The following ARHGAP24 variants were observed in gnomAD, a reference collection of about 807,000 sequenced individuals.
ARHGAP24 encodes rho GTPase-activating protein 24.
ARHGAP24 carries 50 observed loss-of-function variants against 76.4 expected under a neutral mutation model. The observed-to-expected ratio is 0.65, with a 90% CI of 0.52 to 0.83. The LOEUF (loss-of-function observed/expected upper bound fraction) is 0.83. ARHGAP24 is among the 40% of genes least tolerant of loss of function. The probability of loss-of-function intolerance (pLI) is 0.00; values close to 1 mark genes in which losing one functional copy is unlikely to be tolerated. For missense variants in ARHGAP24, 930 were observed against 914.2 expected (o/e 1.02, Z -0.22); for synonymous variants, 345 against 323.3 (o/e 1.07, Z -0.72).
intron 1 of ARHGAP24, among the ~76,000 whole-genome samples, chr4:85,567,370 A>T (rs1328065794): frequency 5.3e-5 from 8 of 152,156 alleles, no homozygotes; most frequent in Non-Finnish European, 1.2e-4. Flanking sequence ...AGCCAAAAGG[A>T]TGGATTTGAA....
At chr4:85,691,870 T>C (rs1400425129) in intron 2 of ARHGAP24, among the ~76,000 whole-genome samples, 1 of 152,202 alleles carries the variant, frequency 6.6e-6, no homozygotes, top group East Asian at 1.9e-4. Context: ...AAAGTTTTGA[T>C]CCTGTCACCA....
chr4:85,821,929 A>G (rs1424204320), intron 3 of ARHGAP24, among the ~76,000 whole-genome samples: 1 of 152,190 alleles, frequency 6.6e-6, no homozygotes, highest in Non-Finnish European at 1.5e-5. Context: ...AAAAGTATTT[A>G]CTGTTTTTCT....
intron 2 of ARHGAP24, among the ~76,000 whole-genome samples, chr4:85,624,942 G>A (rs570033289): frequency 9.9e-4 from 151 of 151,984 alleles, no homozygotes; most frequent in East Asian, 4.1e-3. Context: ...TTTTTATTGT[G>A]TCTATTTGAT....
chr4:85,827,962 T>C, intron 3 of ARHGAP24: 1 of 1,289,744 alleles, frequency 7.8e-7, no homozygotes, highest in South Asian at 1.2e-5. Context: ...CACTGAAGTG[T>C]ATGTTTGTGC....
intron 2 of ARHGAP24, among the ~76,000 whole-genome samples, chr4:85,676,440 T>C (rs1405500001): frequency 6.6e-6 from 1 of 152,082 alleles, no homozygotes; most frequent in Admixed American, 6.6e-5. Context: ...TTAAGCAAGC[T>C]CCCCCGGAAA....
At chr4:85,523,540 A>G (rs2110112383) in intron 1 of ARHGAP24, among the ~76,000 whole-genome samples, 1 of 152,316 alleles carries the variant, frequency 6.6e-6, no homozygotes, top group East Asian at 1.9e-4. Flanking sequence ...GTTGTCAGAC[A>G]ATTTAGCATA....
chr4:85,746,933 G>T (rs140290557), intron 3 of ARHGAP24, among the ~76,000 whole-genome samples: 1 of 152,108 alleles, frequency 6.6e-6, no homozygotes, highest in African/African-American at 2.4e-5. Flanking sequence ...GATTTCAGGA[G>T]TGAGCCACCG....
chr4:85,862,188 G>A (rs1404004341), intron 3 of ARHGAP24, among the ~76,000 whole-genome samples: 1 of 151,818 alleles, frequency 6.6e-6, no homozygotes, highest in African/African-American at 2.4e-5. Context: ...AAATTTAAAG[G>A]ATTTTAATTA....
At chr4:85,527,623 T>C (rs1725063874) in intron 1 of ARHGAP24, among the ~76,000 whole-genome samples, 1 of 152,148 alleles carries the variant, frequency 6.6e-6, no homozygotes, top group Non-Finnish European at 1.5e-5. Context: ...TCATCTCTTC[T>C]TTTATACCTT....
At chr4:85,541,157 T>TGTGTC (rs1255463624) in intron 1 of ARHGAP24, among the ~76,000 whole-genome samples, 4 of 102,802 alleles carry the variant, frequency 3.9e-5, no homozygotes, top group African/African-American at 1.6e-4. Context: ...TTTTTTTTTT[T>TGTGTC]TTTTTTTTTT....
intron 2 of ARHGAP24, among the ~76,000 whole-genome samples, chr4:85,700,676 G>A (rs1724050029): frequency 6.6e-6 from 1 of 152,054 alleles, no homozygotes; most frequent in Non-Finnish European, 1.5e-5. Flanking sequence ...TAGAGAAAGA[G>A]CAGTATATAT....
At chr4:85,809,975 T>G (rs1728943377) in intron 3 of ARHGAP24, among the ~76,000 whole-genome samples, 1 of 152,228 alleles carries the variant, frequency 6.6e-6, no homozygotes, top group African/African-American at 2.4e-5. Context: ...TCACTTAAAA[T>G]TTTTTGAGAC....
At chr4:85,840,156 C>T (rs1260671184) in intron 3 of ARHGAP24, among the ~76,000 whole-genome samples, 4 of 151,708 alleles carry the variant, frequency 2.6e-5, no homozygotes, top group South Asian at 2.1e-4. Context: ...TGAGCCACCA[C>T]GCCCAGCCTT....
At chr4:85,776,400 A>T (rs1727311004) in intron 3 of ARHGAP24, among the ~76,000 whole-genome samples, 1 of 152,206 alleles carries the variant, frequency 6.6e-6, no homozygotes, top group South Asian at 2.1e-4. Context: ...GAGCATTCCC[A>T]GAGTAGGGCA....
intron 1 of ARHGAP24, among the ~76,000 whole-genome samples, chr4:85,528,711 G>T (rs571229147): frequency 6.6e-6 from 1 of 151,924 alleles, no homozygotes; most frequent in African/African-American, 2.4e-5. Flanking sequence ...TTAATATTGC[G>T]TGTCTGTCTT....
intron 5 of ARHGAP24, among the ~76,000 whole-genome samples, chr4:85,961,741 T>C (rs1195550642): frequency 6.6e-6 from 1 of 152,064 alleles, no homozygotes; most frequent in Non-Finnish European, 1.5e-5. Flanking sequence ...ATATATAATA[T>C]GGCTTTTAAA....
chr4:85,709,650 A>G (rs1724448747), intron 2 of ARHGAP24, among the ~76,000 whole-genome samples: 2 of 152,168 alleles, frequency 1.3e-5, no homozygotes, highest in African/African-American at 4.8e-5. Context: ...AAATAAGGAA[A>G]TCTCCTTCAC....
chr4:85,585,405 C>T (rs1200327039), intron 2 of ARHGAP24, among the ~76,000 whole-genome samples: 3 of 152,154 alleles, frequency 2.0e-5, no homozygotes, highest in African/African-American at 7.2e-5. Context: ...ATCAAGCCTG[C>T]CTCTGGCACT....
intron 3 of ARHGAP24, among the ~76,000 whole-genome samples, chr4:85,819,884 C>G (rs1729395150): frequency 1.3e-5 from 2 of 152,176 alleles, no homozygotes; most frequent in Non-Finnish European, 2.9e-5. Flanking sequence ...CGTGCCATTG[C>G]ACTCCATCAT....
Sources: allele counts gnomAD v4.1 joint callset (sites outside exome capture counted in the v4.1 genomes callset), GRCh38; gene constraint gnomAD v4.1.1; transcripts MANE v1.5; gene names NCBI Gene and HGNC (gene_info 2026-07-23, HGNC 2026-07-21).